Variants in TRAPPC8 observed in about 807,000 individuals in gnomAD.
The protein encoded by TRAPPC8 is general sporulation gene 1 homolog.
Under a neutral mutation model 174.3 loss-of-function variants are expected in TRAPPC8, and 54 were observed. The ratio of observed to expected loss-of-function variants is 0.31; its 90% confidence interval spans 0.25 to 0.39. The LOEUF is 0.39. Ranked by LOEUF, TRAPPC8 falls within the 10% of genes least tolerant of loss-of-function variation. The pLI is 1.00. For missense variants in TRAPPC8, 1,531 were observed against 1,699.1 expected (o/e 0.90, Z 1.74); for synonymous variants, 630 against 579.9 (o/e 1.09, Z -1.24).
chr18:31,829,572 G>C lies in TRAPPC8; in HGVS notation c.*1183C>G, dbSNP rs1020045844. ...AGCCACCCATCTCTCAAGAAGAGTT[G>C]TTCCAAGTACAGGTTTGGAATCTTC... On this transcript the variant is annotated 3_prime_UTR_variant, in exon 29 of 29. Transcript: ENST00000283351. The C allele has an allele frequency of 6.6e-6, 1 of 152,244 alleles. No individual in the cohort carries two copies. Among genetic ancestry groups the C allele is most frequent in the Admixed American group, 6.5e-5 (1 of 15,286 alleles). The allele number at this position is 152,244 out of a possible 1,614,324, so 9.4% of individuals were successfully genotyped here.
chr18:31,839,271 T>C (rs1490178776), intron 27 of TRAPPC8, 41 bp downstream of exon 27: 3 of 1,570,554 alleles, frequency 1.9e-6, no homozygotes, highest in Admixed American at 1.9e-5. Context: ...CACGTGCCAG[T>C]GTGTTGTAGA....
rs115271745 is a variant in TRAPPC8, at chr18:31,851,567, G to C, written c.3561+879C>G. Among the ~76,000 whole-genome samples the C allele has an allele frequency of 5.5e-3, 833 of 151,004 alleles. 4 individuals carry two copies. The highest frequency in any genetic ancestry group is 0.019 in the African/African-American group (792 of 41,062). ...GTCTTGCCTTGGTCTCTGACACCCA[G>C]TCTGGTCTTGAACTCCTGGCCTCAA... On this transcript the variant is annotated intron_variant, in intron 24 of 28. Transcript: ENST00000283351.
At chr18:31,867,212 A>C (rs1452122845) in intron 17 of TRAPPC8, among the ~76,000 whole-genome samples, 190 bp downstream of exon 17, 1 of 152,214 alleles carries the variant, frequency 6.6e-6, no homozygotes, top group Non-Finnish European at 1.5e-5. Context: ...CAGGCTTCTC[A>C]GGAAACTAAC....
rs2032262181 is a variant in TRAPPC8 at position 31,829,998 on chromosome 18, T to G, written c.*757A>C. On this transcript the variant is annotated 3_prime_UTR_variant, in exon 29 of 29. Coordinates refer to ENST00000283351, the MANE Select transcript of TRAPPC8 (RefSeq NM_014939.5). Reference sequence around the variant, plus strand: ...GTATATTTGTTATAAATATAATACATTTTTGAAAAGCTTATTTTTAATTAA... The same window carrying G: ...GTATATTTGTTATAAATATAATACAGTTTTGAAAAGCTTATTTTTAATTAA... 6.6e-6 allele frequency: 1 copy of G among 152,654 alleles called. No individual in the cohort carries two copies. Among genetic ancestry groups the G allele is most frequent in the Admixed American group, 6.5e-5 (1 of 15,278 alleles). 9.5% of individuals were successfully genotyped at this position (152,654 alleles called of 1,614,324 possible).
chr18:31,931,560 C>A, intron 1 of TRAPPC8, 37 bp from the exon 2 acceptor site: 1 of 1,487,386 alleles, frequency 6.7e-7, no homozygotes, highest in Non-Finnish European at 9.0e-7. Context: ...GAAATTAATT[C>A]TATACAATGC....
intron 11 of TRAPPC8, among the ~76,000 whole-genome samples, chr18:31,893,163 G>A (rs977437400): frequency 1.3e-5 from 2 of 151,908 alleles, no homozygotes; most frequent in Non-Finnish European, 2.9e-5. Flanking sequence ...GGTTTGTTGC[G>A]ATTTTCTGCT....
chr18:31,855,453 T>C (rs995775293), intron 21 of TRAPPC8, among the ~76,000 whole-genome samples: 9 of 152,126 alleles, frequency 5.9e-5, no homozygotes, highest in African/African-American at 2.2e-4. Context: ...CATATTAATA[T>C]CAGAAGATCT....
At chr18:31,846,911 C>A in intron 25 of TRAPPC8, 94 bp from the exon 26 acceptor site, 2 of 733,640 alleles carry the variant, frequency 2.7e-6, no homozygotes, top group Non-Finnish European at 4.4e-6. Context: ...AATAATATGG[C>A]CAATATCTAT....
intron 2 of TRAPPC8, among the ~76,000 whole-genome samples, chr18:31,925,470 A>G (rs2037574538): frequency 6.6e-6 from 1 of 152,176 alleles, no homozygotes; most frequent in Non-Finnish European, 1.5e-5. Flanking sequence ...AGAAAAATAA[A>G]AAGACAGAGA....
Position 31,866,880 on chromosome 18 carries a change from A to G in TRAPPC8, c.2559T>C (p.Asp853=). 1.2e-6 allele frequency: 2 copies of G among 1,613,668 alleles called. No homozygotes were observed. The highest frequency in any genetic ancestry group is 1.7e-6 in the Non-Finnish European group (2 of 1,179,702). Residue 853 remains aspartate, a synonymous_variant, in exon 18 of 29, where the codon GAT becomes GAC. Coordinates refer to ENST00000283351, the MANE Select transcript of TRAPPC8 (RefSeq NM_014939.5). The part of the protein sequence containing the change: ...LGTIQGSMTV[D]GIGALPGCHT... The stretch of plus-strand genomic sequence containing the variant: ...GACATCCGGGAAGAGCACCAATGCC[A>G]TCTACTGTCATAGAGCCCTGAATAG...
intron 4 of TRAPPC8, among the ~76,000 whole-genome samples, chr18:31,915,727 A>T (rs554903158): frequency 6.6e-6 from 1 of 151,958 alleles, no homozygotes; most frequent in African/African-American, 2.4e-5. Context: ...TACTAAAAAA[A>T]ATACAAAAAA....
intron 16 of TRAPPC8, 53 bp downstream of exon 16, chr18:31,870,319 C>A: frequency 6.6e-7 from 1 of 1,517,978 alleles, no homozygotes. Flanking sequence ...GTTACTACAG[C>A]ATTTGTTAGG....
chr18:31,882,591 AT>A (rs1469985871), intron 12 of TRAPPC8, among the ~76,000 whole-genome samples: 1 of 151,930 alleles, frequency 6.6e-6, no homozygotes, highest in Non-Finnish European at 1.5e-5. Context: ...AAACACAGAC[AT>A]GGACCTCCTG....
intron 2 of TRAPPC8, among the ~76,000 whole-genome samples, chr18:31,918,529 G>T (rs1380320550): frequency 6.6e-6 from 1 of 152,132 alleles, no homozygotes; most frequent in East Asian, 1.9e-4. Context: ...CATCAAAGAG[G>T]TCAGGAATAA....
intron 16 of TRAPPC8, among the ~76,000 whole-genome samples, chr18:31,869,240 AG>A (rs1445637242): frequency 6.6e-6 from 1 of 152,210 alleles, no homozygotes; most frequent in Non-Finnish European, 1.5e-5. Context: ...GGAAATGAAA[AG>A]AAAAAAATAT....
At chr18:31,895,224 A>C (rs2036134900) in intron 11 of TRAPPC8, among the ~76,000 whole-genome samples, 1 of 152,214 alleles carries the variant, frequency 6.6e-6, no homozygotes, top group Admixed American at 6.5e-5. Context: ...AAACCAGTGT[A>C]CATCTCTTGA....
At chr18:31,930,696 G>A (rs1335041973) in intron 2 of TRAPPC8, among the ~76,000 whole-genome samples, 5 of 152,002 alleles carry the variant, frequency 3.3e-5, no homozygotes, top group Non-Finnish European at 7.4e-5. Context: ...CACTTGGGAA[G>A]CTAAGCAGGA....
chr18:31,853,966 A>G, intron 21 of TRAPPC8, 21 bp from the exon 22 acceptor site: 2 of 1,576,618 alleles, frequency 1.3e-6, no homozygotes, highest in Non-Finnish European at 8.6e-7. Flanking sequence ...AAAAGATAGG[A>G]GTCATTCAGG....
intron 21 of TRAPPC8, 107 bp from the exon 22 acceptor site, chr18:31,854,052 C>T (rs1176702288): frequency 1.2e-6 from 1 of 806,940 alleles, no homozygotes; most frequent in East Asian, 2.7e-5. Context: ...TGTCAATTAA[C>T]ATAAGATGCA....
Sources: gnomAD v4.1 joint callset for allele counts (sites outside exome capture counted in the v4.1 genomes callset) on GRCh38, gnomAD v4.1.1 for gene constraint, MANE v1.5 for transcripts, NCBI Gene and HGNC (gene_info 2026-07-23, HGNC 2026-07-21) for gene names.